DCP2: variants seen among roughly 807,000 people sequenced by gnomAD.
The protein encoded by DCP2 is decapping mRNA 2.
DCP2 carries 30 observed loss-of-function variants against 56.1 expected under a neutral mutation model. The observed-to-expected ratio is 0.53, with a 90% CI of 0.40 to 0.73. The LOEUF is 0.73. Ranked by LOEUF, DCP2 falls within the 30% of genes least tolerant of loss-of-function variation. The pLI, the probability that DCP2 is intolerant of heterozygous loss-of-function variation, is 0.00. For missense variants in DCP2, 533 were observed against 502.7 expected (o/e 1.06, Z -0.58); for synonymous variants, 197 against 163.3 (o/e 1.21, Z -1.57).
intron 4 of DCP2, among the ~76,000 whole-genome samples, chr5:113,000,425 C>CACACCCACAT (rs59419276): frequency 6.6e-6 from 1 of 151,392 alleles, no homozygotes; most frequent in East Asian, 1.9e-4. Context: ...CACACACACA[C>CACACCCACAT]CCACACACCC....
At chr5:112,985,471 A>G (rs1292209503) in intron 1 of DCP2, among the ~76,000 whole-genome samples, 1 of 152,188 alleles carries the variant, frequency 6.6e-6, no homozygotes, top group African/African-American at 2.4e-5. Flanking sequence ...GTAATAGCAA[A>G]CATTTTAAAA....
chr5:112,985,813 G>C, intron 1 of DCP2, 22 bp from the exon 2 acceptor site: 1 of 1,590,272 alleles, frequency 6.3e-7, no homozygotes, highest in Non-Finnish European at 8.6e-7. Flanking sequence ...TGTAATTTTT[G>C]TATGTGTTTT....
At chr5:112,991,391 G>A (rs916202079) in intron 2 of DCP2, among the ~76,000 whole-genome samples, 1 of 152,160 alleles carries the variant, frequency 6.6e-6, no homozygotes, top group East Asian at 1.9e-4. Flanking sequence ...TAATTTCAGG[G>A]TTTGGATTTT....
Position 113,020,301 on chromosome 5 carries a change from T to C in DCP2, c.*6817T>C, listed in dbSNP as rs1387076163. ...ATCTTATGTGAAATGATTCAACCTTTAATTTTTGCCTAGATTATAGCAATG... is the reference window on the plus strand; with the variant it reads ...ATCTTATGTGAAATGATTCAACCTTCAATTTTTGCCTAGATTATAGCAATG... On this transcript the variant is annotated 3_prime_UTR_variant, in exon 11 of 11. Transcript: ENST00000389063. 1.3e-5 allele frequency: 2 copies of C among 152,210 alleles called. No homozygotes were observed. Among genetic ancestry groups the C allele is most frequent in the Non-Finnish European group, 2.9e-5 (2 of 68,032 alleles). The allele number at this position is 152,210 out of a possible 1,614,324, so 9.4% of individuals were successfully genotyped here. A position where few individuals can be genotyped will look rare whatever the true frequency, so the allele number is the denominator to read the frequency against.
At chr5:113,012,915 T>TA (rs559272145) in intron 10 of DCP2, among the ~76,000 whole-genome samples, 69 of 152,324 alleles carry the variant, frequency 4.5e-4, no homozygotes, top group African/African-American at 1.7e-3. Context: ...GTGCTGGGAT[T>TA]ACAGGTGTGA....
intron 1 of DCP2, among the ~76,000 whole-genome samples, chr5:112,979,578 A>G (rs1289787463): frequency 6.6e-6 from 1 of 152,082 alleles, no homozygotes; most frequent in African/African-American, 2.4e-5. Context: ...TGTATATAGG[A>G]AGTTTTCTTT....
At chr5:112,987,456 C>T (rs545341923) in intron 2 of DCP2, among the ~76,000 whole-genome samples, 93 of 151,876 alleles carry the variant, frequency 6.1e-4, no homozygotes, top group Middle Eastern at 3.4e-3. Context: ...TTATTCCCCC[C>T]GCCCGCCCGA....
At chr5:112,996,960 G>A (rs117980094) in intron 4 of DCP2, among the ~76,000 whole-genome samples, 1 of 152,160 alleles carries the variant, frequency 6.6e-6, no homozygotes, top group Admixed American at 6.5e-5. Context: ...AGGCTTTAAA[G>A]ACAGAAAAGA....
At chr5:112,986,836 CCA>C (rs756885825) in intron 2 of DCP2, among the ~76,000 whole-genome samples, 8 of 152,018 alleles carry the variant, frequency 5.3e-5, no homozygotes, top group Non-Finnish European at 1.5e-5. Context: ...CTCATCTCTA[CCA>C]AAAGTACAAA....
intron 1 of DCP2, among the ~76,000 whole-genome samples, chr5:112,979,599 T>A (rs1747902132): frequency 6.6e-6 from 1 of 152,216 alleles, no homozygotes; most frequent in Admixed American, 6.5e-5. Context: ...TGTGTTACTT[T>A]GTTTTTTGAT....
chr5:113,001,258 A>G (rs760803146), intron 5 of DCP2, 22 bp downstream of exon 5: 8 of 1,610,744 alleles, frequency 5.0e-6, no homozygotes, highest in Non-Finnish European at 6.8e-6. Context: ...GAGTATTTTC[A>G]GGTTACTGGA....
At chr5:112,977,016 C>G (rs201205008) in intron 1 of DCP2, 30 bp downstream of exon 1, 18 of 1,475,640 alleles carry the variant, frequency 1.2e-5, no homozygotes, top group African/African-American at 2.9e-5. Flanking sequence ...CCTTTCGCCC[C>G]CGTCGGGTTT....
At position 112,987,661 on chromosome 5, in the gene DCP2, A is replaced by G. The variant is rs374786898; in HGVS notation, c.205+1675A>G. Reference sequence around the variant, plus strand: ...TTTTTTTTTTGTATTTTTAGTAGAGATGGGGTTTTGCCATGCTGGCCAGGC... The same window carrying G: ...TTTTTTTTTTGTATTTTTAGTAGAGGTGGGGTTTTGCCATGCTGGCCAGGC... On this transcript the variant is annotated intron_variant, in intron 2 of 10. Transcript: ENST00000389063. Among the ~76,000 whole-genome samples, 26 of 93,718 alleles carry G rather than the reference A, an allele frequency of 2.8e-4. No homozygotes were observed. The East Asian group carries it at 7.7e-3, about 28-fold the overall frequency. 61.5% of individuals were successfully genotyped at this position (93,718 alleles called of 152,430 possible). A position where few individuals can be genotyped will look rare whatever the true frequency, so the allele number is the denominator to read the frequency against.
chr5:112,995,312 G>T (rs1251751834), intron 4 of DCP2, among the ~76,000 whole-genome samples: 20 of 152,190 alleles, frequency 1.3e-4, no homozygotes. Context: ...TCTGTAGATG[G>T]TAGGAAATGA....
chr5:113,003,851 A>G, intron 7 of DCP2, 91 bp from the exon 8 acceptor site: 1 of 1,410,384 alleles, frequency 7.1e-7, no homozygotes, highest in Non-Finnish European at 9.8e-7. Context: ...TAAATAAGAA[A>G]ATATGTAGTC....
rs372882501 is a variant in DCP2 at position 112,985,889 on chromosome 5, T to C, written c.108T>C (p.Cys36=). ...SEERDNAIRV[C]FQIELAHWFY... ...AAAGAGACAATGCAATCCGAGTGTG[T>C]TTTCAGATTGAACTTGCCCATTGGT... is the stretch of plus-strand genomic sequence containing the variant. Residue 36 remains cysteine, a synonymous_variant, in exon 2 of 11, where the codon TGT becomes TGC. Coordinates refer to ENST00000389063, the MANE Select transcript of DCP2 (RefSeq NM_152624.6). 2 of 1,610,974 alleles carry C rather than the reference T, an allele frequency of 1.2e-6. No homozygotes were observed. Among genetic ancestry groups the C allele is most frequent in the African/African-American group, 1.3e-5 (1 of 74,902 alleles).
chr5:112,981,391 T>G (rs1184187741), intron 1 of DCP2, among the ~76,000 whole-genome samples: 1 of 152,170 alleles, frequency 6.6e-6, no homozygotes, highest in Non-Finnish European at 1.5e-5. Flanking sequence ...GGTGAGATGA[T>G]TAGTGCCTCA....
rs367934885 is a variant in DCP2, at chr5:113,001,126, A to G, written c.475A>G (p.Lys159Glu). Reference protein sequence around the residue: ...TGFDIKDYICKDDYIELRIND... With the variant: ...TGFDIKDYICEDDYIELRIND... ...TTTTGATATCAAAGACTATATTTGT[A>G]AGGATGATTACATTGAACTTCGAAT... Residue 159 changes from lysine to glutamate, a missense_variant, in exon 5 of 11, where the codon AAG becomes GAG. Lys to Glu is a moderately conservative substitution (Grantham distance 56, BLOSUM62 1). Transcript: ENST00000389063. 1.2e-6 allele frequency: 2 copies of G among 1,613,254 alleles called. No homozygotes were observed. The highest frequency in any genetic ancestry group is 1.7e-6 in the Non-Finnish European group (2 of 1,179,776).
At chr5:112,977,964 TTTG>T (rs1338919145) in intron 1 of DCP2, among the ~76,000 whole-genome samples, 7 of 151,998 alleles carry the variant, frequency 4.6e-5, no homozygotes, top group African/African-American at 1.4e-4. Flanking sequence ...TGGGGTTTTT[TTTG>T]TTTGTTTGTT....
Sources: allele counts gnomAD v4.1 joint callset (sites outside exome capture counted in the v4.1 genomes callset), GRCh38; gene constraint gnomAD v4.1.1; transcripts MANE v1.5; gene names NCBI Gene and HGNC (gene_info 2026-07-23, HGNC 2026-07-21).